EYA1: variants seen among roughly 807,000 people sequenced by gnomAD.
The protein encoded by EYA1 is protein phosphatase EYA1.
EYA1 carries 16 observed loss-of-function variants against 82.0 expected under a neutral mutation model. The ratio of observed to expected loss-of-function variants is 0.20; its 90% CI spans 0.13 to 0.30. EYA1 has a LOEUF of 0.30. Among genes scored for constraint, EYA1 ranks in the 10% least tolerant of loss-of-function variants. EYA1 has a pLI of 1.00. For missense variants in EYA1, 633 were observed against 730.7 expected (o/e 0.87, Z 1.54); for synonymous variants, 261 against 264.4 (o/e 0.99, Z 0.12).
chr8:71,451,581 C>T (rs1014021938), intron 2 of EYA1, among the ~76,000 whole-genome samples: 16 of 152,120 alleles, frequency 1.1e-4, no homozygotes, highest in Admixed American at 3.9e-4. Flanking sequence ...TTATTATCCT[C>T]ATAATCAAGG....
chr8:71,406,501 A>T (rs569261991), intron 2 of EYA1, among the ~76,000 whole-genome samples: 6 of 152,194 alleles, frequency 3.9e-5, no homozygotes, highest in African/African-American at 1.4e-4. Context: ...CAGTGGGCGC[A>T]GGCCAGTGGG....
At chr8:71,345,747 C>A (rs2129057538) in intron 3 of EYA1, among the ~76,000 whole-genome samples, 1 of 152,230 alleles carries the variant, frequency 6.6e-6, no homozygotes, top group African/African-American at 2.4e-5. Context: ...GCCTTCATTT[C>A]TTCTCACCTG....
chr8:71,407,588 G>A (rs1260989913), intron 2 of EYA1, among the ~76,000 whole-genome samples: 2 of 128,646 alleles, frequency 1.6e-5, no homozygotes, highest in African/African-American at 6.7e-5. Flanking sequence ...GAAGCCTCAG[G>A]AGCCGATGCG....
intron 2 of EYA1, among the ~76,000 whole-genome samples, chr8:71,518,246 G>A (rs186773921): frequency 2.0e-5 from 3 of 152,086 alleles, no homozygotes; most frequent in Admixed American, 2.0e-4. Context: ...TACTTACTTA[G>A]AGTCTTAGTT....
At chr8:71,361,163 ATGT>A (rs771751263) in intron 1 of EYA1, among the ~76,000 whole-genome samples, 13 of 152,342 alleles carry the variant, frequency 8.5e-5, no homozygotes, top group Non-Finnish European at 5.9e-5. Context: ...TATCAATTTA[ATGT>A]TGTTATCTGT....
At chr8:71,519,105 C>T (rs1162093896) in intron 2 of EYA1, among the ~76,000 whole-genome samples, 1 of 152,096 alleles carries the variant, frequency 6.6e-6, no homozygotes, top group Admixed American at 6.5e-5. Context: ...TCCCCTATGA[C>T]AATGAATATT....
chr8:71,506,932 G>C (rs1340759124), intron 2 of EYA1, among the ~76,000 whole-genome samples: 3 of 151,424 alleles, frequency 2.0e-5, no homozygotes, highest in Non-Finnish European at 1.5e-5. Flanking sequence ...GGGCTAATCT[G>C]AACATATTAA....
intron 1 of EYA1, among the ~76,000 whole-genome samples, chr8:71,543,119 T>C (rs1326354451): frequency 1.3e-5 from 2 of 152,200 alleles, no homozygotes; most frequent in African/African-American, 2.4e-5. Flanking sequence ...TGCCCCTTCA[T>C]ATGTCCAGAA....
At chr8:71,205,270 A>C (rs6472570) in intron 17 of EYA1, among the ~76,000 whole-genome samples, 5 of 151,932 alleles carry the variant, frequency 3.3e-5, no homozygotes, top group Admixed American at 3.3e-4. Flanking sequence ...TAATTTATTA[A>C]CAAGGCCACT....
rs530360705 is a variant in EYA1 at position 71,341,314 on chromosome 8, C to T, written c.125-7140G>A. On this transcript the variant is annotated intron_variant, in intron 3 of 17. Coordinates refer to ENST00000340726, the MANE Select transcript of EYA1 (RefSeq NM_000503.6). ...GGATCACAAAAGCACAACCATGTAA[C>T]GTTATGTTACGGGTTGGATTCAATG... Among the ~76,000 whole-genome samples the T allele has an allele frequency of 4.6e-5, 7 of 152,200 alleles. No individual in the cohort carries two copies. In the East Asian group the frequency reaches 5.8e-4, roughly 13 times the overall value.
chr8:71,443,913 T>A (rs766967909), intron 2 of EYA1, among the ~76,000 whole-genome samples: 29 of 152,338 alleles, frequency 1.9e-4, no homozygotes, highest in Non-Finnish European at 2.9e-4. Flanking sequence ...TCTAAAGCAT[T>A]TCTACAAATA....
chr8:71,346,438 A>ATATATATC (rs1554561532), intron 3 of EYA1, among the ~76,000 whole-genome samples: 2 of 139,026 alleles, frequency 1.4e-5, no homozygotes, highest in Non-Finnish European at 3.1e-5. Flanking sequence ...GTGAATATAT[A>ATATATATC]TATATATATA....
Position 71,271,954 on chromosome 8 carries a change from T to C in EYA1, c.827-57A>G. ...TATTTCCATCACCATGGTGCCAAGA[T>C]TAGCCTTGTTTTAATTCACAAGGGG... On this transcript the variant is annotated intron_variant, in intron 9 of 17. Transcript: ENST00000340726. The C allele has an allele frequency of 2.7e-5, 43 of 1,595,048 alleles. No homozygotes were observed. In the South Asian group the frequency reaches 4.5e-4, roughly 17 times the overall value.
At chr8:71,480,892 C>A (rs1810091885) in intron 2 of EYA1, among the ~76,000 whole-genome samples, 1 of 151,974 alleles carries the variant, frequency 6.6e-6, no homozygotes, top group Non-Finnish European at 1.5e-5. Context: ...TTAAAAATTC[C>A]TTTGAGGTGA....
At chr8:71,540,591 T>C (rs1815063707) in intron 1 of EYA1, among the ~76,000 whole-genome samples, 2 of 152,168 alleles carry the variant, frequency 1.3e-5, no homozygotes, top group African/African-American at 2.4e-5. Flanking sequence ...GGTAATATGC[T>C]TGGGAAGAAA....
intron 11 of EYA1, among the ~76,000 whole-genome samples, chr8:71,250,236 TTTTC>T (rs1813585476): frequency 1.3e-5 from 2 of 152,216 alleles, no homozygotes; most frequent in South Asian, 4.1e-4. Context: ...TGTTTCTGAT[TTTTC>T]AAACTGTTGT....
At chr8:71,320,514 G>GA (rs1381594516) in intron 6 of EYA1, among the ~76,000 whole-genome samples, 4 of 152,162 alleles carry the variant, frequency 2.6e-5, no homozygotes. Flanking sequence ...ATTATTATGA[G>GA]AAACTGTGAA....
intron 12 of EYA1, among the ~76,000 whole-genome samples, chr8:71,227,535 T>A (rs771480174): frequency 5.3e-5 from 8 of 152,220 alleles, no homozygotes; most frequent in Non-Finnish European, 1.2e-4. Context: ...TTAACTTTCA[T>A]GGCCATTTGC....
chr8:71,212,414 C>T (rs1390188938), intron 16 of EYA1, among the ~76,000 whole-genome samples: 1 of 152,160 alleles, frequency 6.6e-6, no homozygotes, highest in African/African-American at 2.4e-5. Flanking sequence ...CAAAAATATA[C>T]AACCAAAAAC....
Sources: gnomAD v4.1 joint callset for allele counts (sites outside exome capture counted in the v4.1 genomes callset) on GRCh38, gnomAD v4.1.1 for gene constraint, MANE v1.5 for transcripts, NCBI Gene and HGNC (gene_info 2026-07-23, HGNC 2026-07-21) for gene names.